CCDC157: variants seen among roughly 807,000 people sequenced by gnomAD.
CCDC157 encodes the protein coiled-coil domain-containing protein 157.
A neutral mutation model predicts 70.9 loss-of-function variants in CCDC157; 60 were observed. That is an observed-to-expected ratio of 0.85 (90% confidence interval 0.69 to 1.05). CCDC157 has a LOEUF of 1.05. Ranked by LOEUF, CCDC157 falls within the 50% of genes least tolerant of loss-of-function variation. The pLI is 0.00. For synonymous variants in CCDC157, 373 were observed against 422.4 expected (o/e 0.88, Z 1.43); for missense variants, 943 against 984.2 (o/e 0.96, Z 0.56).
chr22:30,357,204 T>G, intron 1 of CCDC157, 72 bp downstream of exon 1: 1 of 163,298 alleles, frequency 6.1e-6, no homozygotes, highest in Non-Finnish European at 1.3e-5. Context: ...CACAGGCCAG[T>G]ACCTCGCTCC....
chr22:30,374,017 A>G lies in CCDC157; in HGVS notation c.1598A>G (p.Glu533Gly). Residue 533 changes from glutamate to glycine, a missense_variant, in exon 9 of 12, where the codon GAG (glutamate) becomes GGG (glycine). By Grantham distance (98) the Glu-to-Gly change is moderately conservative. Transcript: ENST00000338306. ...LTILELEREL[E>G]ELKERERLLV... ...ATCCTGGAGCTAGAACGGGAGCTGGAGGAGCTGAAGGAGCGGGAGCGGCTG... is the reference window on the plus strand; with the variant it reads ...ATCCTGGAGCTAGAACGGGAGCTGGGGGAGCTGAAGGAGCGGGAGCGGCTG... 1 of 1,611,026 alleles carries G rather than the reference A, an allele frequency of 6.2e-7. No homozygotes were observed. Among genetic ancestry groups the G allele is most frequent in the Non-Finnish European group, 8.5e-7 (1 of 1,178,996 alleles).
intron 7 of CCDC157, 186 bp downstream of exon 7, chr22:30,372,472 C>A: frequency 1.2e-6 from 1 of 818,856 alleles, no homozygotes; most frequent in Non-Finnish European, 1.8e-6. Context: ...GAACAGTGAC[C>A]CAGGGACTGA....
intron 1 of CCDC157, among the ~76,000 whole-genome samples, chr22:30,358,983 C>T (rs5997621): frequency 0.027 from 4,162 of 152,296 alleles, 189 homozygotes; most frequent in African/African-American, 0.096. Context: ...ATTTTCCTGA[C>T]ACTTGGGCAT....
chr22:30,371,871 T>C, intron 6 of CCDC157, 144 bp downstream of exon 6: 1 of 809,250 alleles, frequency 1.2e-6, no homozygotes, highest in East Asian at 2.7e-5. Context: ...CCAACCACAC[T>C]ATTGGCGATG....
At chr22:30,361,219 G>T (rs1473963051) in intron 1 of CCDC157, among the ~76,000 whole-genome samples, 1 of 144,956 alleles carries the variant, frequency 6.9e-6, no homozygotes, top group African/African-American at 2.6e-5. Flanking sequence ...CTGTACTCCA[G>T]CCTGGGTGAC....
intron 9 of CCDC157, chr22:30,374,952 GTCTTTTT>G (rs1379696588): frequency 2.4e-5 from 7 of 285,802 alleles, no homozygotes; most frequent in Non-Finnish European, 3.2e-5. Flanking sequence ...TATTTGCTAA[GTCTTTTT>G]TTTTTTTTTT....
In CCDC157 at chr22:30,369,474, C is replaced by T. The variant is rs1350429859; in HGVS notation, c.291C>T (p.Asn97=). Residue 97 remains asparagine, a synonymous_variant, in exon 4 of 12, where the codon AAC becomes AAT. Coordinates refer to ENST00000338306, the MANE Select transcript of CCDC157 (RefSeq NM_001017437.5). ...LLQSCMSYLE[N]LGSEQMMPPA... is the part of the protein sequence containing the mutation. The stretch of plus-strand genomic sequence containing the variant: ...AAAGCTGTATGAGCTACTTGGAGAA[C>T]CTTGGCTCAGAGCAGATGATGCCCC... The T allele has an allele frequency of 6.3e-7, 1 of 1,575,394 alleles. No homozygotes were observed. Among genetic ancestry groups the T allele is most frequent in the Non-Finnish European group, 8.6e-7 (1 of 1,158,856 alleles).
chr22:30,375,288 C>A, intron 9 of CCDC157, 191 bp from the exon 10 acceptor site: 1 of 581,320 alleles, frequency 1.7e-6, no homozygotes. Flanking sequence ...CTAGGTCCCA[C>A]CCAGCTCTCA....
In CCDC157 at chr22:30,378,340, T is replaced by G; in HGVS notation, c.*1595T>G. 3.3e-6 allele frequency: 1 copy of G among 305,070 alleles called. No homozygotes were observed. Among genetic ancestry groups the G allele is most frequent in the African/African-American group, 2.2e-5 (1 of 45,996 alleles). The allele number at this position is 305,070 out of a possible 1,614,324, so 18.9% of individuals were successfully genotyped here. On this transcript the variant is annotated 3_prime_UTR_variant, in exon 12 of 12. Coordinates refer to ENST00000338306, the MANE Select transcript of CCDC157 (RefSeq NM_001017437.5). ...AACCCAACCATGGGCATAAAATCCC[T>G]TTGAGAAGCCAGGCGCAGTGGCTCA...
At chr22:30,366,658 G>C (rs898014729) in intron 3 of CCDC157, 2 of 239,742 alleles carry the variant, frequency 8.3e-6, no homozygotes, top group Admixed American at 1.0e-4. Context: ...TGTTCCCTCT[G>C]CATATCACAA....
chr22:30,362,618 A>G (rs2145868905), intron 2 of CCDC157, among the ~76,000 whole-genome samples: 1 of 152,318 alleles, frequency 6.6e-6, no homozygotes, highest in South Asian at 2.1e-4. Flanking sequence ...TGCCATGTAC[A>G]ACCAGGATGG....
rs1261856718 is a variant in CCDC157 at position 30,378,121 on chromosome 22, C to T, written c.*1376C>T. ...CGGCTCCTAGAGGCCGTCCACCTTC[C>T]TTGCCATGGGGCTCCCTCCATCTTC... is the stretch of plus-strand genomic sequence containing the variant. On this transcript the variant is annotated 3_prime_UTR_variant, in exon 12 of 12. Coordinates refer to ENST00000338306, the MANE Select transcript of CCDC157 (RefSeq NM_001017437.5). The T allele has an allele frequency of 2.1e-6, 1 of 471,130 alleles. No homozygotes were observed. The highest frequency in any genetic ancestry group is 2.3e-5 in the Admixed American group (1 of 42,588). The allele number at this position is 471,130 out of a possible 1,614,324, so 29.2% of individuals were successfully genotyped here. A position where few individuals can be genotyped will look rare whatever the true frequency, so the allele number is the denominator to read the frequency against.
chr22:30,366,108 C>T lies in CCDC157; in HGVS notation c.108C>T (p.Arg36=), dbSNP rs1382006283. Residue 36 remains arginine, a synonymous_variant, in exon 3 of 12, where the codon CGC becomes CGT. Transcript: ENST00000338306. ...TCTTCTCCCGCGCCGGGCCTGTGCG[C>T]TTCCCCTCCTGGAAGTTCCCTGACC... is the stretch of plus-strand genomic sequence containing the variant. ...VDVFSRAGPV[R]FPSWKFPDRM... 3 of 1,613,124 alleles carry T rather than the reference C, an allele frequency of 1.9e-6. No individual in the cohort carries two copies. The highest frequency in any genetic ancestry group is 2.5e-6 in the Non-Finnish European group (3 of 1,180,002).
At chr22:30,374,407 G>A (rs548259027) in intron 9 of CCDC157, 30 of 541,626 alleles carry the variant, frequency 5.5e-5, no homozygotes, top group African/African-American at 3.2e-4. Context: ...ATTCTTGCTC[G>A]ACTTCTGTGT....
chr22:30,363,383 T>C (rs765147328), intron 2 of CCDC157, among the ~76,000 whole-genome samples: 5 of 152,098 alleles, frequency 3.3e-5, no homozygotes, highest in Non-Finnish European at 7.3e-5. Context: ...AATAATATTA[T>C]TAATAATAAT....
At chr22:30,374,172 G>T in intron 9 of CCDC157, 81 bp downstream of exon 9, 1 of 1,477,164 alleles carries the variant, frequency 6.8e-7, no homozygotes, top group South Asian at 1.2e-5. Context: ...GGACACTGGG[G>T]ACTGCAGCTC....
At chr22:30,364,745 G>T (rs1273452058) in intron 2 of CCDC157, among the ~76,000 whole-genome samples, 1 of 151,572 alleles carries the variant, frequency 6.6e-6, no homozygotes, top group Non-Finnish European at 1.5e-5. Context: ...AGAGGCTGAG[G>T]TGGAGGCTGC....
chr22:30,366,156 G>A lies in CCDC157; in HGVS notation c.156G>A (p.Met52Ile). ...ACCGCATGGCCTGTGACCTCGACATGGTGGCCCTGCTGGAGCACTATGACC... is the reference window on the plus strand; with the variant it reads ...ACCGCATGGCCTGTGACCTCGACATAGTGGCCCTGCTGGAGCACTATGACC... ...FPDRMACDLD[M>I]VALLEHYDHV... Residue 52 changes from methionine (M) to isoleucine (I), a missense_variant, in exon 3 of 12, where the codon ATG (methionine) becomes ATA (isoleucine). Coordinates refer to ENST00000338306, the MANE Select transcript of CCDC157 (RefSeq NM_001017437.5). 1 of 1,613,842 alleles carries A rather than the reference G, an allele frequency of 6.2e-7. No homozygotes were observed. The highest frequency in any genetic ancestry group is 1.1e-5 in the South Asian group (1 of 91,088).
chr22:30,369,215 CAG>C, intron 3 of CCDC157: 1 of 388,276 alleles, frequency 2.6e-6, no homozygotes, highest in Non-Finnish European at 4.5e-6. Flanking sequence ...CCAGGAGACA[CAG>C]AAGAGGCTCC....
Sources: gnomAD v4.1 joint callset for allele counts (sites outside exome capture counted in the v4.1 genomes callset) on GRCh38, gnomAD v4.1.1 for gene constraint, MANE v1.5 for transcripts, NCBI Gene and HGNC (gene_info 2026-07-23, HGNC 2026-07-21) for gene names.